SLC14A2: variants seen among roughly 807,000 people sequenced by gnomAD.
The protein encoded by SLC14A2 is urea transporter 2.
SLC14A2 carries 91 observed loss-of-function variants against 104.6 expected under a neutral mutation model. The ratio of observed to expected loss-of-function variants is 0.87; its 90% CI spans 0.73 to 1.04. SLC14A2 has a LOEUF of 1.04. Among genes scored for constraint, SLC14A2 ranks in the 50% least tolerant of loss-of-function variants. The pLI, the probability that SLC14A2 is intolerant of heterozygous loss-of-function variation, is 0.00. For synonymous variants in SLC14A2, 476 were observed against 466.4 expected (o/e 1.02, Z -0.27); for missense variants, 1,189 against 1,156.0 (o/e 1.03, Z -0.41).
chr18:45,245,032 A>G (rs1377527926), intron 1 of SLC14A2, among the ~76,000 whole-genome samples: 1 of 152,222 alleles, frequency 6.6e-6, no homozygotes, highest in Non-Finnish European at 1.5e-5. Context: ...ACTTTATGCC[A>G]TGTGCCATAC....
chr18:45,283,145 G>T (rs2084779890), intron 1 of SLC14A2, among the ~76,000 whole-genome samples: 1 of 152,134 alleles, frequency 6.6e-6, no homozygotes, highest in African/African-American at 2.4e-5. Context: ...AGCCCAAAGT[G>T]CCCAGACACT....
At chr18:45,249,423 T>C (rs1030704025) in intron 1 of SLC14A2, among the ~76,000 whole-genome samples, 8 of 152,130 alleles carry the variant, frequency 5.3e-5, no homozygotes, top group African/African-American at 1.7e-4. Flanking sequence ...GCATTGTTTT[T>C]TTTTTAATAT....
chr18:45,393,720 G>T (rs1211698796), intron 1 of SLC14A2, among the ~76,000 whole-genome samples: 1 of 152,110 alleles, frequency 6.6e-6, no homozygotes, highest in Non-Finnish European at 1.5e-5. Context: ...TTCCTTCTTG[G>T]ATAGCTCTGG....
intron 1 of SLC14A2, among the ~76,000 whole-genome samples, chr18:45,414,905 G>T (rs1180460001): frequency 4.0e-5 from 6 of 150,450 alleles, no homozygotes; most frequent in Admixed American, 4.0e-4. Context: ...CATACTAAGT[G>T]CCCAGTGTGT....
intron 1 of SLC14A2, among the ~76,000 whole-genome samples, chr18:45,444,856 T>A (rs1036250774): frequency 5.3e-5 from 8 of 152,180 alleles, no homozygotes; most frequent in African/African-American, 1.9e-4. Flanking sequence ...TCTACCAACA[T>A]CAAAGTCATT....
intron 4 of SLC14A2, among the ~76,000 whole-genome samples, chr18:45,630,537 A>G (rs72908374): frequency 1.3e-5 from 2 of 152,250 alleles, no homozygotes; most frequent in Non-Finnish European, 2.9e-5. Context: ...TGCATATTTT[A>G]TAGTCAGGGA....
intron 5 of SLC14A2, chr18:45,634,766 T>C (rs1042229684): frequency 2.0e-5 from 9 of 455,342 alleles, no homozygotes; most frequent in Non-Finnish European, 3.5e-5. Context: ...TAGAGAGTTT[T>C]AGGCAGAGAT....
chr18:45,391,918 CT>C (rs1177231712), intron 1 of SLC14A2, among the ~76,000 whole-genome samples: 4 of 152,184 alleles, frequency 2.6e-5, no homozygotes, highest in Admixed American at 1.3e-4. Flanking sequence ...TGTGCAGAAG[CT>C]CTTTGGTTTA....
intron 10 of SLC14A2, among the ~76,000 whole-genome samples, chr18:45,662,392 T>C: frequency 6.6e-6 from 1 of 152,246 alleles, no homozygotes; most frequent in South Asian, 2.1e-4. Context: ...GTTCTGAGCT[T>C]TGCCATAGTT....
intron 7 of SLC14A2, among the ~76,000 whole-genome samples, chr18:45,640,666 A>AT (rs576258639): frequency 3.9e-5 from 6 of 152,158 alleles, no homozygotes; most frequent in African/African-American, 7.2e-5. Context: ...TTTAAAAAGT[A>AT]TTTTTTATTT....
At chr18:45,532,569 G>T (rs1050067435) in intron 2 of SLC14A2, among the ~76,000 whole-genome samples, 9 of 150,430 alleles carry the variant, frequency 6.0e-5, no homozygotes, top group Non-Finnish European at 1.3e-4. Context: ...CTTTGCTGAA[G>T]TTGCTTATCA....
intron 1 of SLC14A2, among the ~76,000 whole-genome samples, chr18:45,217,904 T>A (rs2084025144): frequency 6.6e-6 from 1 of 152,198 alleles, no homozygotes; most frequent in South Asian, 2.1e-4. Context: ...CAGGGAGAGA[T>A]TTGCCTTGAA....
At chr18:45,286,785 C>T (rs112793257) in intron 1 of SLC14A2, among the ~76,000 whole-genome samples, 12 of 152,156 alleles carry the variant, frequency 7.9e-5, no homozygotes, top group African/African-American at 2.7e-4. Flanking sequence ...CCCCTAAATG[C>T]TCATAGATGT....
chr18:45,517,634 C>A (rs997006337), intron 2 of SLC14A2, among the ~76,000 whole-genome samples: 9 of 152,354 alleles, frequency 5.9e-5, no homozygotes, highest in African/African-American at 1.4e-4. Flanking sequence ...CAGGTCCAGT[C>A]TCACCCGGCG....
intron 1 of SLC14A2, among the ~76,000 whole-genome samples, chr18:45,349,080 T>C (rs1009728694): frequency 6.6e-6 from 1 of 152,224 alleles, no homozygotes; most frequent in African/African-American, 2.4e-5. Context: ...CAGTGTGTAA[T>C]GGAGTTTCAC....
chr18:45,598,802 T>C (rs1193050445), intron 2 of SLC14A2, among the ~76,000 whole-genome samples: 1 of 152,212 alleles, frequency 6.6e-6, no homozygotes, highest in African/African-American at 2.4e-5. Context: ...GGCTCCTCTT[T>C]CCTTATCTTT....
At chr18:45,474,278 C>A (rs933328043) in intron 1 of SLC14A2, among the ~76,000 whole-genome samples, 5 of 152,104 alleles carry the variant, frequency 3.3e-5, no homozygotes, top group Non-Finnish European at 7.3e-5. Flanking sequence ...ATTTGGTTTG[C>A]CCGTATTTTA....
chr18:45,625,205 C>A (rs1460809198), intron 2 of SLC14A2, among the ~76,000 whole-genome samples: 2 of 152,180 alleles, frequency 1.3e-5, no homozygotes, highest in Non-Finnish European at 2.9e-5. Context: ...GGACTCAAGA[C>A]TGCTGGGATG....
intron 1 of SLC14A2, among the ~76,000 whole-genome samples, chr18:45,329,919 C>T (rs1471878918): frequency 5.9e-5 from 9 of 152,166 alleles, no homozygotes; most frequent in Admixed American, 5.9e-4. Flanking sequence ...TACTTGTAAA[C>T]CTATTATCAT....
Sources: allele counts gnomAD v4.1 joint callset (sites outside exome capture counted in the v4.1 genomes callset), GRCh38; gene constraint gnomAD v4.1.1; transcripts MANE v1.5; gene names NCBI Gene and HGNC (gene_info 2026-07-23, HGNC 2026-07-21).